DNM3: variants seen among roughly 807,000 people sequenced by gnomAD.
The protein encoded by DNM3 is dynamin-3.
Under a neutral mutation model 101.6 loss-of-function variants are expected in DNM3, and 47 were observed. The observed-to-expected ratio is 0.46, with a 90% CI of 0.37 to 0.59. DNM3 has a LOEUF of 0.59. DNM3 is among the 20% of genes least tolerant of loss of function. The pLI, the probability that DNM3 is intolerant of heterozygous loss-of-function variation, is 0.00. For synonymous variants in DNM3, 385 were observed against 387.9 expected, an observed-to-expected ratio of 0.99 and a Z score of 0.09; for missense variants, 849 against 1,085.7, an observed-to-expected ratio of 0.78 and a Z score of 3.06.
chr1:172,279,685 G>A (rs1261042236), intron 15 of DNM3, among the ~76,000 whole-genome samples: 1 of 151,910 alleles, frequency 6.6e-6, no homozygotes, highest in Non-Finnish European at 1.5e-5. Flanking sequence ...CATCACCTTG[G>A]ATTTTTCTCT....
At chr1:172,327,545 C>CG (rs2065987134) in intron 17 of DNM3, among the ~76,000 whole-genome samples, 1 of 152,096 alleles carries the variant, frequency 6.6e-6, no homozygotes, top group South Asian at 2.1e-4. Context: ...ATGAAAGGAG[C>CG]AGAGAGTACA....
chr1:172,273,609 A>G (rs1438685707), intron 15 of DNM3, among the ~76,000 whole-genome samples: 1 of 152,102 alleles, frequency 6.6e-6, no homozygotes, highest in African/African-American at 2.4e-5. Flanking sequence ...AAGCACTGAG[A>G]ACAAATGAGT....
At chr1:172,387,601 G>A (rs1425957269) in intron 19 of DNM3, among the ~76,000 whole-genome samples, 1 of 151,694 alleles carries the variant, frequency 6.6e-6, no homozygotes, top group Non-Finnish European at 1.5e-5. Context: ...AGAGCTTGCA[G>A]TGAGCCGAGA....
At chr1:172,256,295 T>A (rs1243691888) in intron 15 of DNM3, among the ~76,000 whole-genome samples, 1 of 146,646 alleles carries the variant, frequency 6.8e-6, no homozygotes, top group Non-Finnish European at 1.6e-5. Context: ...ATTAGCTGAC[T>A]GTTTGGTGGA....
downstream of DNM3, among the ~76,000 whole-genome samples, chr1:172,416,324 A>C (rs1405757452): frequency 6.6e-5 from 10 of 152,332 alleles, no homozygotes; most frequent in East Asian, 1.9e-3. Context: ...AAAATTATGC[A>C]AAAGAAAGAG....
At chr1:172,049,116 A>G (rs571390053) in intron 10 of DNM3, among the ~76,000 whole-genome samples, 1 of 152,342 alleles carries the variant, frequency 6.6e-6, no homozygotes, top group African/African-American at 2.4e-5. Flanking sequence ...ACATATATCA[A>G]TAAGAAAATT....
At chr1:172,314,554 G>A (rs1023826485) in intron 16 of DNM3, among the ~76,000 whole-genome samples, 13 of 152,170 alleles carry the variant, frequency 8.5e-5, no homozygotes, top group Non-Finnish European at 1.5e-4. Flanking sequence ...CTTTTCTGAC[G>A]GGCTTAGGAA....
At chr1:172,337,727 G>A (rs2148950136) in intron 17 of DNM3, among the ~76,000 whole-genome samples, 1 of 152,018 alleles carries the variant, frequency 6.6e-6, no homozygotes, top group South Asian at 2.1e-4. Flanking sequence ...TCTCAAAGTG[G>A]GCCATCTGCC....
At chr1:172,172,529 T>A (rs1051500878) in intron 14 of DNM3, among the ~76,000 whole-genome samples, 1 of 151,782 alleles carries the variant, frequency 6.6e-6, no homozygotes, top group South Asian at 2.1e-4. Flanking sequence ...ATTTTTGAAA[T>A]TTTTCATTTA....
At chr1:172,216,526 G>A (rs1454803530) in intron 14 of DNM3, among the ~76,000 whole-genome samples, 3 of 152,090 alleles carry the variant, frequency 2.0e-5, no homozygotes, top group Non-Finnish European at 4.4e-5. Context: ...GTTTATGTCT[G>A]AAGCCGAAAA....
intron 1 of DNM3, among the ~76,000 whole-genome samples, chr1:171,846,836 G>A (rs750674648): frequency 2.0e-4 from 30 of 152,012 alleles, no homozygotes; most frequent in Admixed American, 5.2e-4. Context: ...TAAAGTAGAC[G>A]GAAAAAAGGG....
chr1:172,285,257 C>A (rs2063654128), intron 15 of DNM3, among the ~76,000 whole-genome samples: 1 of 152,168 alleles, frequency 6.6e-6, no homozygotes, highest in Non-Finnish European at 1.5e-5. Flanking sequence ...CTGAAACAGC[C>A]TCCCCAAACG....
chr1:172,186,524 C>T (rs537957307), intron 14 of DNM3, among the ~76,000 whole-genome samples: 1 of 151,972 alleles, frequency 6.6e-6, no homozygotes, highest in South Asian at 2.1e-4. Context: ...GCTGTCCCCC[C>T]CTTTTGAAGA....
chr1:172,172,971 G>C (rs1396284678), intron 14 of DNM3, among the ~76,000 whole-genome samples: 3 of 151,822 alleles, frequency 2.0e-5, no homozygotes, highest in African/African-American at 7.2e-5. Flanking sequence ...TATCATTTGT[G>C]CTATGCACAT....
chr1:172,115,510 G>A (rs1197924341), intron 13 of DNM3, among the ~76,000 whole-genome samples: 1 of 152,140 alleles, frequency 6.6e-6, no homozygotes, highest in African/African-American at 2.4e-5. Flanking sequence ...CAAATCTAAA[G>A]GTCTCCAATG....
chr1:172,048,694 A>T lies in DNM3; in HGVS notation c.1279A>T (p.Ser427Cys), dbSNP rs766032731. The change falls in exon 10 of 21, where the codon AGT becomes TGT. Residue 427 changes from serine to cysteine, a missense_variant. Physicochemically the swap from Ser to Cys is moderately radical, Grantham distance 112. Around this residue, in one of 5 missense-constraint regions of DNM3, gnomAD observed 193 missense variants for 238.4 expected, o/e 0.81. Transcript: ENST00000627582. Reference protein sequence around the residue: ...IVKLKGPSLKSVDLVIQELIN... With the variant: ...IVKLKGPSLKCVDLVIQELIN... ...AAAGTTGAAAGGGCCTTCCTTGAAGAGTGTGGATCTGGTAATACAAGAATT... is the reference window on the plus strand; with the variant it reads ...AAAGTTGAAAGGGCCTTCCTTGAAGTGTGTGGATCTGGTAATACAAGAATT... 23 of 1,613,558 alleles carry T rather than the reference A, an allele frequency of 1.4e-5. No homozygotes were observed. The highest frequency in any genetic ancestry group is 1.9e-5 in the Non-Finnish European group (23 of 1,179,700).
At chr1:171,879,530 T>C (rs552247232) in intron 1 of DNM3, among the ~76,000 whole-genome samples, 17 of 152,318 alleles carry the variant, frequency 1.1e-4, no homozygotes, top group African/African-American at 3.9e-4. Flanking sequence ...ATTCTAACTA[T>C]TTAAGAAAAA....
intron 14 of DNM3, among the ~76,000 whole-genome samples, chr1:172,180,941 G>T (rs566067395): frequency 1.3e-5 from 2 of 152,108 alleles, no homozygotes; most frequent in Non-Finnish European, 2.9e-5. Context: ...ATAAATATCT[G>T]TTTACCAACA....
At chr1:172,227,304 A>ATATATATATATATATATG (rs1215756972) in intron 14 of DNM3, among the ~76,000 whole-genome samples, 15 of 131,544 alleles carry the variant, frequency 1.1e-4, no homozygotes, top group African/African-American at 4.3e-4. Context: ...ATATATATAT[A>ATATATATATATATATATG]TCACATTTTC....
Sources: gnomAD v4.1 joint callset for allele counts (sites outside exome capture counted in the v4.1 genomes callset) on GRCh38, gnomAD v4.1.1 for gene constraint, gnomAD v4.1.1 regional missense constraint, MANE v1.5 for transcripts, NCBI Gene and HGNC (gene_info 2026-07-23, HGNC 2026-07-21) for gene names.